The following DUSP16 variants were observed in gnomAD, a reference collection of about 807,000 sequenced individuals.
The protein encoded by DUSP16 is dual specificity protein phosphatase 16.
A neutral mutation model predicts 58.3 loss-of-function variants in DUSP16; 21 were observed. The ratio of observed to expected loss-of-function variants is 0.36; its 90% CI spans 0.26 to 0.52. The LOEUF (loss-of-function observed/expected upper bound fraction) is 0.52. Among genes scored for constraint, DUSP16 ranks in the 20% least tolerant of loss-of-function variants. DUSP16 has a pLI of 0.94. For synonymous variants in DUSP16, 320 were observed against 323.8 expected, an observed-to-expected ratio of 0.99 and a Z score of 0.12; for missense variants, 726 against 819.0, an observed-to-expected ratio of 0.89 and a Z score of 1.39.
chr12:12,482,616 G>A (rs1592164211), intron 5 of DUSP16, among the ~76,000 whole-genome samples: 1 of 152,210 alleles, frequency 6.6e-6, no homozygotes, highest in South Asian at 2.1e-4. Context: ...GTGCTCATTC[G>A]AAAACAGCCT....
At chr12:12,525,936 A>G (rs1276437849) in intron 1 of DUSP16, among the ~76,000 whole-genome samples, 1 of 152,182 alleles carries the variant, frequency 6.6e-6, no homozygotes, top group Non-Finnish European at 1.5e-5. Flanking sequence ...AAGAAAGTTA[A>G]AATGTGATGG....
intron 1 of DUSP16, among the ~76,000 whole-genome samples, chr12:12,522,039 G>A (rs1592192416): frequency 6.6e-6 from 1 of 152,326 alleles, no homozygotes; most frequent in East Asian, 1.9e-4. Context: ...ACGGAGGAGA[G>A]AAGATGCAGG....
Position 12,562,527 on chromosome 12 carries a change from C to A in DUSP16, c.-776G>T, listed in dbSNP as rs1944923081. The A allele has an allele frequency of 1.5e-5, 2 of 129,342 alleles. No homozygotes were observed. Among genetic ancestry groups the A allele is most frequent in the Admixed American group, 1.8e-4 (2 of 10,914 alleles). The allele number at this position is 129,342 out of a possible 1,614,324, so 8.0% of individuals were successfully genotyped here. On this transcript the variant is annotated 5_prime_UTR_variant, in exon 1 of 7. Coordinates refer to ENST00000298573, the MANE Select transcript of DUSP16 (RefSeq NM_030640.3). The stretch of plus-strand genomic sequence containing the variant: ...ATCGTTTAAAAACTGATTAAAGCCC[C>A]CCAAACACTGATACATAGAAAGAGG...
At chr12:12,532,885 T>C (rs1490853791) in intron 1 of DUSP16, among the ~76,000 whole-genome samples, 4 of 151,094 alleles carry the variant, frequency 2.6e-5, no homozygotes, top group Non-Finnish European at 5.9e-5. Flanking sequence ...GAGGCGGAGG[T>C]TGCAGTGAGC....
In DUSP16 at chr12:12,475,058, C is replaced by T. The variant is rs1943398336; in HGVS notation, c.*1775G>A. 1 of 152,186 alleles carries T rather than the reference C, an allele frequency of 6.6e-6. No homozygotes were observed. Among genetic ancestry groups the T allele is most frequent in the Non-Finnish European group, 1.5e-5 (1 of 68,044 alleles). 9.4% of individuals were successfully genotyped at this position (152,186 alleles called of 1,614,324 possible). On this transcript the variant is annotated 3_prime_UTR_variant, in exon 7 of 7. Coordinates refer to ENST00000298573, the MANE Select transcript of DUSP16 (RefSeq NM_030640.3). ...TCATCATCCCCATAACCAAGTCGGT[C>T]TGTGTTGAGTCATATCATTCTGTGC... is the stretch of plus-strand genomic sequence containing the variant.
chr12:12,532,021 G>A (rs929028165), intron 1 of DUSP16, among the ~76,000 whole-genome samples: 5 of 152,018 alleles, frequency 3.3e-5, no homozygotes, highest in East Asian at 1.9e-4. Flanking sequence ...AGCCGGGCGC[G>A]GTGGCGGGCG....
chr12:12,537,689 C>G lies in DUSP16; in HGVS notation c.-365-16226G>C, dbSNP rs1417323562. ...CTCCACAGTCTAATTCTCTACTGGA[C>G]AGATTATGAAATACATTCAAAAGAA... is the stretch of plus-strand genomic sequence containing the variant. On this transcript the variant is annotated intron_variant, in intron 1 of 6. Transcript: ENST00000298573. 3.3e-5 allele frequency among the ~76,000 whole-genome samples: 5 copies of G among 152,172 alleles called. No homozygotes were observed. The East Asian group carries it at 9.6e-4, about 29-fold the overall frequency.
chr12:12,517,793 CA>C (rs1944175702), intron 3 of DUSP16, among the ~76,000 whole-genome samples: 1 of 152,352 alleles, frequency 6.6e-6, no homozygotes, highest in East Asian at 1.9e-4. Context: ...GCTACTAATA[CA>C]TTTAATGTGG....
At chr12:12,528,197 AC>A (rs2136238870) in intron 1 of DUSP16, among the ~76,000 whole-genome samples, 1 of 151,522 alleles carries the variant, frequency 6.6e-6, no homozygotes, top group African/African-American at 2.4e-5. Context: ...TCCCTCTGCC[AC>A]CCATGTATGT....
At chr12:12,486,509 T>A (rs1401595697) in intron 5 of DUSP16, among the ~76,000 whole-genome samples, 1 of 147,054 alleles carries the variant, frequency 6.8e-6, no homozygotes, top group Non-Finnish European at 1.5e-5. Flanking sequence ...TGTGTGTGTG[T>A]GTGTGTGTGA....
chr12:12,506,000 C>T (rs1943990098), intron 3 of DUSP16: 1 of 152,186 alleles, frequency 6.6e-6, no homozygotes, highest in African/African-American at 2.4e-5. Context: ...CTACCTCAGC[C>T]AGAGCACATT....
intron 5 of DUSP16, 93 bp from the exon 6 acceptor site, chr12:12,480,439 G>T: frequency 6.8e-7 from 1 of 1,460,852 alleles, no homozygotes; most frequent in African/African-American, 1.4e-5. Flanking sequence ...TCTTCCACCT[G>T]AAAACCTCTA....
At chr12:12,539,500 G>C (rs949622707) in intron 1 of DUSP16, among the ~76,000 whole-genome samples, 20 of 152,122 alleles carry the variant, frequency 1.3e-4, no homozygotes, top group African/African-American at 4.8e-4. Context: ...TAAAGCTTGG[G>C]AGAGATAGAG....
intron 1 of DUSP16, among the ~76,000 whole-genome samples, chr12:12,523,241 T>C (rs1388782407): frequency 6.6e-6 from 1 of 152,198 alleles, no homozygotes; most frequent in South Asian, 2.1e-4. Flanking sequence ...CTCTTCAAAT[T>C]TGGTCTGAGA....
chr12:12,525,429 C>T lies in DUSP16; in HGVS notation c.-365-3966G>A, dbSNP rs1351030666. Among the ~76,000 whole-genome samples the T allele has an allele frequency of 5.9e-5, 9 of 151,770 alleles. 1 individual carries two copies. In the South Asian group the frequency reaches 6.2e-4, roughly 11 times the overall value. ...GATTACAGGCATGCGCCACCACACC[C>T]GGCTAATTTTGTATTTCTAGTAGAG... On this transcript the variant is annotated intron_variant, in intron 1 of 6. Coordinates refer to ENST00000298573, the MANE Select transcript of DUSP16 (RefSeq NM_030640.3).
chr12:12,527,745 G>A lies in DUSP16; in HGVS notation c.-365-6282C>T, dbSNP rs114001189. Among the ~76,000 whole-genome samples the A allele has an allele frequency of 9.3e-3, 1,420 of 152,210 alleles. 24 individuals are homozygous for A. The highest frequency in any genetic ancestry group is 0.033 in the African/African-American group (1,352 of 41,524). On this transcript the variant is annotated intron_variant, in intron 1 of 6. Coordinates refer to ENST00000298573, the MANE Select transcript of DUSP16 (RefSeq NM_030640.3). ...AGGACACATATTCTGACAAGTGATG[G>A]CAATAATGAGACTGCTTGAAGCAAA...
At chr12:12,548,656 AAAAG>A (rs1247700589) in intron 1 of DUSP16, among the ~76,000 whole-genome samples, 3 of 150,256 alleles carry the variant, frequency 2.0e-5, no homozygotes, top group Non-Finnish European at 4.5e-5. Flanking sequence ...AAGAAAAAGA[AAAAG>A]AAAAAGAAAA....
intron 1 of DUSP16, among the ~76,000 whole-genome samples, chr12:12,557,651 A>G (rs1944828784): frequency 6.6e-6 from 1 of 152,224 alleles, no homozygotes; most frequent in Non-Finnish European, 1.5e-5. Context: ...TCATAGGCAA[A>G]GCAAGTGATT....
Position 12,476,003 on chromosome 12 carries a change from T to C in DUSP16, c.*830A>G, listed in dbSNP as rs1035904124. ...GTTAGCCTCCCAACCTTAGCTTAAATCGTGATGTTGCCAGGTTCCTGGTGG... is the reference window on the plus strand; with the variant it reads ...GTTAGCCTCCCAACCTTAGCTTAAACCGTGATGTTGCCAGGTTCCTGGTGG... On this transcript the variant is annotated 3_prime_UTR_variant, in exon 7 of 7. Coordinates refer to ENST00000298573, the MANE Select transcript of DUSP16 (RefSeq NM_030640.3). 6.6e-6 allele frequency: 1 copy of C among 152,216 alleles called. No homozygotes were observed. The highest frequency in any genetic ancestry group is 2.4e-5 in the African/African-American group (1 of 41,434). 9.4% of individuals were successfully genotyped at this position (152,216 alleles called of 1,614,324 possible).
Sources: gnomAD v4.1 joint callset for allele counts (sites outside exome capture counted in the v4.1 genomes callset) on GRCh38, gnomAD v4.1.1 for gene constraint, MANE v1.5 for transcripts, NCBI Gene and HGNC (gene_info 2026-07-23, HGNC 2026-07-21) for gene names.